Variants in ABCC1 observed in about 807,000 individuals in gnomAD.
The protein encoded by ABCC1 is ATP binding cassette subfamily C member 1 (ABCC1 blood group).
A neutral mutation model predicts 172.9 loss-of-function variants in ABCC1; 83 were observed. The observed-to-expected ratio is 0.48, with a 90% CI of 0.40 to 0.58. The LOEUF is 0.58. Ranked by LOEUF, ABCC1 falls within the 20% of genes least tolerant of loss-of-function variation. The probability of loss-of-function intolerance (pLI) is 0.00; values close to 1 mark genes in which losing one functional copy is unlikely to be tolerated. For synonymous variants in ABCC1, 937 were observed against 825.2 expected, an observed-to-expected ratio of 1.14 and a Z score of -2.32; for missense variants, 1,817 against 2,002.7, an observed-to-expected ratio of 0.91 and a Z score of 1.77.
At chr16:16,066,112 C>G (rs1010644724) in intron 12 of ABCC1, among the ~76,000 whole-genome samples, 1 of 152,180 alleles carries the variant, frequency 6.6e-6, no homozygotes, top group Non-Finnish European at 1.5e-5. Flanking sequence ...AATCTGCTTT[C>G]TGTCTGTCTC....
Position 15,949,766 on chromosome 16 carries a change from C to T in ABCC1, c.15C>T (p.Gly5=). The T allele has an allele frequency of 8.4e-7, 1 of 1,195,162 alleles. No homozygotes were observed. Among genetic ancestry groups the T allele is most frequent in the Admixed American group, 4.4e-5 (1 of 22,708 alleles). The allele number at this position is 1,195,162 out of a possible 1,614,324, so 74.0% of individuals were successfully genotyped here. ...GCGCCACCGGCATGGCGCTCCGGGG[C>T]TTCTGCAGCGCCGATGGCTCCGACC... The part of the protein sequence containing the change: MALR[G]FCSADGSDPL... The change falls in exon 1 of 31, where the codon GGC becomes GGT. Residue 5 remains glycine, a synonymous_variant. Coordinates refer to ENST00000399410, the MANE Select transcript of ABCC1 (RefSeq NM_004996.4).
chr16:16,068,335 G>A, intron 13 of ABCC1, 33 bp downstream of exon 13: 1 of 1,610,798 alleles, frequency 6.2e-7, no homozygotes, highest in Non-Finnish European at 8.5e-7. Context: ...CTTCCGAGAG[G>A]GGGCCTTGGG....
intron 5 of ABCC1, among the ~76,000 whole-genome samples, chr16:16,018,791 GTATGTGTGTGTT>G (rs1177799185): frequency 1.9e-5 from 1 of 51,858 alleles, no homozygotes; most frequent in African/African-American, 8.9e-5. Context: ...TTATGTTCAT[GTATGTGTGTGTT>G]TGTGTGTGTG....
At chr16:16,006,865 C>CGGTGGA (rs2047551224) in intron 1 of ABCC1, among the ~76,000 whole-genome samples, 1 of 146,078 alleles carries the variant, frequency 6.8e-6, no homozygotes, top group East Asian at 2.0e-4. Flanking sequence ...GTGGCGGTGG[C>CGGTGGA]GGTGGCGGTG....
chr16:16,095,558 C>G (rs185774218), intron 19 of ABCC1, among the ~76,000 whole-genome samples: 145 of 152,310 alleles, frequency 9.5e-4, no homozygotes, highest in East Asian at 2.7e-3. Flanking sequence ...GCCAGGACAT[C>G]CAAAGCACCA....
rs566005166 is a variant in ABCC1 at position 16,025,537 on chromosome 16, G to T, written c.616-7572G>T. 3.9e-5 allele frequency among the ~76,000 whole-genome samples: 6 copies of T among 152,292 alleles called. No individual in the cohort carries two copies. The East Asian group carries it at 9.6e-4, about 24-fold the overall frequency. On this transcript the variant is annotated intron_variant, in intron 5 of 30. Transcript: ENST00000399410. ...GCCTCCTGCTGGGTGCAGGGGTTGTGGGGGGCACTTTGGCAGTGCAGAGCG... is the reference window on the plus strand; with the variant it reads ...GCCTCCTGCTGGGTGCAGGGGTTGTTGGGGGCACTTTGGCAGTGCAGAGCG...
chr16:16,016,684 C>T, intron 5 of ABCC1, 63 bp downstream of exon 5: 5 of 1,595,568 alleles, frequency 3.1e-6, no homozygotes, highest in Non-Finnish European at 4.3e-6. Context: ...TGACACAGTA[C>T]CAGCTAACAT....
chr16:16,116,758 C>T (rs1012790106), intron 23 of ABCC1, among the ~76,000 whole-genome samples: 36 of 152,124 alleles, frequency 2.4e-4, no homozygotes, highest in African/African-American at 8.7e-4. Flanking sequence ...CGAGGTTTCA[C>T]CATGTTGGCC....
intron 21 of ABCC1, among the ~76,000 whole-genome samples, chr16:16,109,989 C>G (rs1338717068): frequency 6.6e-6 from 1 of 152,162 alleles, no homozygotes; most frequent in Non-Finnish European, 1.5e-5. Context: ...TCTCCTGGCT[C>G]CAGCCACCAG....
intron 21 of ABCC1, among the ~76,000 whole-genome samples, chr16:16,108,273 CTTTTTTTTTTTT>C (rs79826916): frequency 1.9e-5 from 2 of 106,310 alleles, no homozygotes; most frequent in African/African-American, 3.4e-5. Flanking sequence ...TTCTTTGTGT[CTTTTTTTTTTTT>C]TTTTTTTTTT....
At chr16:16,112,718 T>A (rs113245885) in intron 22 of ABCC1, among the ~76,000 whole-genome samples, 1 of 152,218 alleles carries the variant, frequency 6.6e-6, no homozygotes, top group Non-Finnish European at 1.5e-5. Flanking sequence ...ATGTGAGCCA[T>A]GTTTGCAAAT....
At chr16:16,028,810 T>G (rs1214429926) in intron 5 of ABCC1, among the ~76,000 whole-genome samples, 1 of 151,926 alleles carries the variant, frequency 6.6e-6, no homozygotes. Context: ...GGCTTGGAGG[T>G]GAAGGGACTT....
chr16:16,036,629 A>G lies in ABCC1; in HGVS notation c.809+26A>G, dbSNP rs749464335. Reference sequence around the variant, plus strand: ...GTAAGTGTGAGTTTCCTTGTCCTCCAGGATGCCCTGGTCACCTCCTTTCCA... The same window carrying G: ...GTAAGTGTGAGTTTCCTTGTCCTCCGGGATGCCCTGGTCACCTCCTTTCCA... On this transcript the variant is annotated intron_variant, in intron 7 of 30. Coordinates refer to ENST00000399410, the MANE Select transcript of ABCC1 (RefSeq NM_004996.4). The G allele has an allele frequency of 2.5e-5, 41 of 1,610,710 alleles. 1 individual carries two copies. In the South Asian group the frequency reaches 4.2e-4, roughly 16 times the overall value.
chr16:15,963,252 GCCC>G (rs1203420609), intron 1 of ABCC1, among the ~76,000 whole-genome samples: 1 of 152,252 alleles, frequency 6.6e-6, no homozygotes, highest in African/African-American at 2.4e-5. Flanking sequence ...GGGCAGCTCT[GCCC>G]CTGTGGCTTT....
intron 13 of ABCC1, among the ~76,000 whole-genome samples, chr16:16,069,142 T>TA (rs111252818): frequency 0.037 from 4,663 of 126,398 alleles, 316 homozygotes; most frequent in African/African-American, 0.12. Flanking sequence ...ACCCTGTATG[T>TA]AAAAAAAAAT....
At chr16:16,068,048 G>A (rs1358991199) in intron 12 of ABCC1, 108 bp from the exon 13 acceptor site, 1 of 1,353,940 alleles carries the variant, frequency 7.4e-7, no homozygotes, top group Non-Finnish European at 1.0e-6. Flanking sequence ...CTGGTCAGTT[G>A]TGGCCACCTG....
intron 26 of ABCC1, among the ~76,000 whole-genome samples, chr16:16,129,009 CAAAG>C (rs143590047): frequency 0.052 from 7,960 of 152,142 alleles, 297 homozygotes; most frequent in Admixed American, 0.13. Flanking sequence ...AACAAAAAAA[CAAAG>C]AAGTTTATGG....
intron 20 of ABCC1, among the ~76,000 whole-genome samples, chr16:16,105,222 C>G (rs558063322): frequency 6.6e-6 from 1 of 152,340 alleles, no homozygotes; most frequent in Admixed American, 6.5e-5. Context: ...TAGTGGGAGA[C>G]TCCAGACAGT....
At chr16:16,103,450 G>A (rs1024145734) in intron 20 of ABCC1, among the ~76,000 whole-genome samples, 4 of 151,918 alleles carry the variant, frequency 2.6e-5, no homozygotes, top group Non-Finnish European at 5.9e-5. Flanking sequence ...CATGGTGGCA[G>A]GCGCCTGTAG....
Sources: gnomAD v4.1 joint callset for allele counts (sites outside exome capture counted in the v4.1 genomes callset) on GRCh38, gnomAD v4.1.1 for gene constraint, MANE v1.5 for transcripts, NCBI Gene and HGNC (gene_info 2026-07-23, HGNC 2026-07-21) for gene names.